MCM9: variants seen among roughly 807,000 people sequenced by gnomAD.
The protein encoded by MCM9 is minichromosome maintenance 9 homologous recombination repair factor.
A neutral mutation model predicts 72.8 loss-of-function variants in MCM9; 55 were observed. That is an observed-to-expected ratio of 0.76 (90% CI 0.61 to 0.95). The LOEUF is 0.95. MCM9 is among the 40% of genes least tolerant of loss of function. MCM9 has a pLI of 0.00. For synonymous variants in MCM9, 480 were observed against 503.4 expected (o/e 0.95, Z 0.62); for missense variants, 1,279 against 1,377.0 (o/e 0.93, Z 1.13).
At chr6:118,909,127 T>C (rs1780362914) in intron 8 of MCM9, 1 of 152,036 alleles carries the variant, frequency 6.6e-6, no homozygotes, top group Non-Finnish European at 1.5e-5. Flanking sequence ...AAAAGAAAAA[T>C]GTTAAAATAT....
At chr6:118,863,351 T>C (rs550527459) in intron 8 of MCM9, among the ~76,000 whole-genome samples, 1 of 152,306 alleles carries the variant, frequency 6.6e-6, no homozygotes, top group Admixed American at 6.5e-5. Flanking sequence ...ATGCAAACTC[T>C]AGGGCAACCA....
rs764589675 is a variant in MCM9, at chr6:118,907,479, G to A, written c.1150+4171C>T. ...ATTGGGAAGATAACACAGAAAAACTGGAAGATGCAGAGAGCAGTAATCCAA... is the reference window on the plus strand; with the variant it reads ...ATTGGGAAGATAACACAGAAAAACTAGAAGATGCAGAGAGCAGTAATCCAA... On this transcript the variant is annotated intron_variant, in intron 8 of 13. Coordinates refer to ENST00000619706, the MANE Select transcript of MCM9 (RefSeq NM_017696.3). 9.3e-6 allele frequency: 15 copies of A among 1,613,282 alleles called. No individual in the cohort carries two copies. The Admixed American group carries it at 1.2e-4, about 13-fold the overall frequency.
rs141871263 is a variant in MCM9 at position 118,872,794 on chromosome 6, A to G, written c.1151-16249T>C. 3.8e-3 allele frequency among the ~76,000 whole-genome samples: 583 copies of G among 152,234 alleles called. 6 individuals are homozygous for G. The highest frequency in any genetic ancestry group is 0.013 in the African/African-American group (556 of 41,558). ...ACAAAAATCAATAATCTAAGTTCTC[A>G]TCTTAGGGAAAAAAAGGAAGGCCAA... On this transcript the variant is annotated intron_variant, in intron 8 of 13. Coordinates refer to ENST00000619706, the MANE Select transcript of MCM9 (RefSeq NM_017696.3).
chr6:118,885,053 A>G (rs1478563761), intron 8 of MCM9, among the ~76,000 whole-genome samples: 3 of 151,958 alleles, frequency 2.0e-5, no homozygotes, highest in Non-Finnish European at 4.4e-5. Context: ...AAAATTAGCC[A>G]GGCGTGGTGG....
intron 8 of MCM9, among the ~76,000 whole-genome samples, chr6:118,884,841 G>A (rs1241348186): frequency 1.3e-5 from 2 of 152,194 alleles, no homozygotes; most frequent in African/African-American, 4.8e-5. Flanking sequence ...ATTTTAAAAG[G>A]ATAAAATCAT....
At chr6:118,871,210 A>G (rs780229209) in intron 8 of MCM9, among the ~76,000 whole-genome samples, 1 of 152,206 alleles carries the variant, frequency 6.6e-6, no homozygotes, top group Non-Finnish European at 1.5e-5. Context: ...GTAATAACAA[A>G]ACATATTCAA....
At chr6:118,884,197 G>A (rs2114408075) in intron 8 of MCM9, among the ~76,000 whole-genome samples, 1 of 152,232 alleles carries the variant, frequency 6.6e-6, no homozygotes, top group Admixed American at 6.5e-5. Flanking sequence ...TCTTTTCTGA[G>A]CTTCTTCAAA....
intron 8 of MCM9, among the ~76,000 whole-genome samples, chr6:118,874,362 A>T (rs148308476): frequency 6.6e-6 from 1 of 152,306 alleles, no homozygotes; most frequent in Non-Finnish European, 1.5e-5. Flanking sequence ...CATCTGACAA[A>T]ATCCGACAGC....
intron 8 of MCM9, among the ~76,000 whole-genome samples, chr6:118,866,726 C>A (rs1172884960): frequency 1.3e-5 from 2 of 151,924 alleles, no homozygotes; most frequent in Non-Finnish European, 2.9e-5. Flanking sequence ...TATTGGCATG[C>A]CAGAAGGAGA....
intron 12 of MCM9, 135 bp downstream of exon 12, chr6:118,826,647 G>A (rs1032923525): frequency 1.0e-5 from 7 of 680,290 alleles, no homozygotes; most frequent in Non-Finnish European, 1.5e-5. Flanking sequence ...GGTTACCTTT[G>A]GATATATTTC....
chr6:118,884,395 T>C (rs1778473434), intron 8 of MCM9, among the ~76,000 whole-genome samples: 2 of 151,816 alleles, frequency 1.3e-5, no homozygotes, highest in East Asian at 3.9e-4. Context: ...GTAAGCCCTA[T>C]AACAACCACT....
chr6:118,861,150 C>T lies in MCM9; in HGVS notation c.1151-4605G>A, dbSNP rs535496593. 1.1e-3 allele frequency among the ~76,000 whole-genome samples: 165 copies of T among 152,306 alleles called. 1 individual carries two copies. Among genetic ancestry groups the T allele is most frequent in the African/African-American group, 3.6e-3 (150 of 41,560 alleles). On this transcript the variant is annotated intron_variant, in intron 8 of 13. Transcript: ENST00000619706. Reference sequence around the variant, plus strand: ...TGGTGGAGCGGGCAGCTCCAGGTACCGGTTCCATGTGAGGCTGCAGCTGGA... The same window carrying T: ...TGGTGGAGCGGGCAGCTCCAGGTACTGGTTCCATGTGAGGCTGCAGCTGGA...
chr6:118,889,610 C>T (rs563235870), intron 8 of MCM9, among the ~76,000 whole-genome samples: 4 of 152,148 alleles, frequency 2.6e-5, no homozygotes, highest in South Asian at 4.2e-4. Flanking sequence ...CAAGAGGAAA[C>T]GAGTTTAGAA....
At position 118,888,214 on chromosome 6, in the gene MCM9, T is replaced by C. The variant is rs569183724; in HGVS notation, c.1150+23436A>G. On this transcript the variant is annotated intron_variant, in intron 8 of 13. Transcript: ENST00000619706. Reference sequence around the variant, plus strand: ...TAAAAAACAGTCTGGTGGCCGGGCATGGTGGCTCATGCCTGTAATCCCAGC... The same window carrying C: ...TAAAAAACAGTCTGGTGGCCGGGCACGGTGGCTCATGCCTGTAATCCCAGC... Among the ~76,000 whole-genome samples, 504 of 152,176 alleles carry C rather than the reference T, an allele frequency of 3.3e-3. 3 individuals carry two copies. The highest frequency in any genetic ancestry group is 0.017 in the South Asian group (82 of 4,822).
At position 118,815,063 on chromosome 6, in the gene MCM9, G is replaced by T. The variant is rs1273237783; in HGVS notation, c.3193C>A (p.Pro1065Thr). The T allele has an allele frequency of 1.3e-6, 2 of 1,550,544 alleles. No individual in the cohort carries two copies. Among genetic ancestry groups the T allele is most frequent in the Non-Finnish European group, 1.7e-6 (2 of 1,146,912 alleles). Residue 1065 changes from proline to threonine, a missense_variant, in exon 14 of 14, where the codon CCC becomes ACC. By Grantham distance (38) the Pro-to-Thr change is conservative. Transcript: ENST00000619706. ...LARLANFCFT[P>T]PSESKSKSPP... The stretch of plus-strand genomic sequence containing the variant: ...GATTTTGATTTGGATTCCGATGGGG[G>T]AGTAAAGCAGAAGTTTGCCAATCTG...
chr6:118,859,707 T>A (rs1310350608), intron 8 of MCM9, among the ~76,000 whole-genome samples: 3 of 152,166 alleles, frequency 2.0e-5, no homozygotes, highest in African/African-American at 7.2e-5. Context: ...ACAGTGAAGA[T>A]GAGAGTAAAA....
rs757245577 is a variant in MCM9 at position 118,826,169 on chromosome 6, C to T, written c.1939G>A (p.Glu647Lys). 6 of 1,550,260 alleles carry T rather than the reference C, an allele frequency of 3.9e-6. No individual in the cohort carries two copies. The highest frequency in any genetic ancestry group is 1.7e-6 in the Non-Finnish European group (2 of 1,146,840). ...CACCTTTCAAGTCTTCTAAGCTCTTCACTCAAGAGGCTCTGCAGCTCTAGC... is the reference window on the plus strand; with the variant it reads ...CACCTTTCAAGTCTTCTAAGCTCTTTACTCAAGAGGCTCTGCAGCTCTAGC... ...EKLELQSLLS[E>K]ELRRLERLQN... is the part of the protein sequence containing the mutation. Residue 647 changes from glutamate to lysine, a missense_variant, in exon 13 of 14, where the codon GAA becomes AAA. By Grantham distance (56) the Glu-to-Lys change is moderately conservative. Coordinates refer to ENST00000619706, the MANE Select transcript of MCM9 (RefSeq NM_017696.3).
chr6:118,878,924 C>T (rs1778107915), intron 8 of MCM9, among the ~76,000 whole-genome samples: 1 of 151,840 alleles, frequency 6.6e-6, no homozygotes, highest in African/African-American at 2.4e-5. Flanking sequence ...GGGCAGGTGG[C>T]ACACACCTGT....
rs766416118 is a variant in MCM9, at chr6:118,867,206, A to C, written c.1151-10661T>G. 3.9e-5 allele frequency among the ~76,000 whole-genome samples: 6 copies of C among 152,348 alleles called. No homozygotes were observed. In the South Asian group the frequency reaches 8.3e-4, roughly 21 times the overall value. ...GGGAGTTTTTCATGCTGAAGGAAGAAGACACTATTAGTAACATGAAGACAT... is the reference window on the plus strand; with the variant it reads ...GGGAGTTTTTCATGCTGAAGGAAGACGACACTATTAGTAACATGAAGACAT... On this transcript the variant is annotated intron_variant, in intron 8 of 13. Transcript: ENST00000619706.
Sources: gnomAD v4.1 joint callset for allele counts (sites outside exome capture counted in the v4.1 genomes callset) on GRCh38, gnomAD v4.1.1 for gene constraint, MANE v1.5 for transcripts, NCBI Gene and HGNC (gene_info 2026-07-23, HGNC 2026-07-21) for gene names.